WSB2: variants seen among roughly 807,000 people sequenced by gnomAD.
WSB2 encodes WD repeat and SOCS box containing 2.
Under a neutral mutation model 48.8 loss-of-function variants are expected in WSB2, and 12 were observed. The ratio of observed to expected loss-of-function variants is 0.25; its 90% CI spans 0.16 to 0.40. The LOEUF (loss-of-function observed/expected upper bound fraction) is 0.40, where lower values mean the gene tolerates loss of function less well. Among genes scored for constraint, WSB2 ranks in the 10% least tolerant of loss-of-function variants. WSB2 has a pLI of 1.00. For synonymous variants in WSB2, 191 were observed against 203.1 expected (o/e 0.94, Z 0.51); for missense variants, 317 against 506.2 (o/e 0.63, Z 3.59).
In WSB2 at chr12:118,034,732, A is replaced by G. The variant is rs1014183816; in HGVS notation, c.1052+254T>C. The G allele has an allele frequency of 3.9e-5, 21 of 535,534 alleles. No individual in the cohort carries two copies. The Admixed American group carries it at 6.6e-4, about 17-fold the overall frequency. 33.2% of individuals were successfully genotyped at this position (535,534 alleles called of 1,614,324 possible). On this transcript the variant is annotated intron_variant, in intron 8 of 8. Coordinates refer to ENST00000315436, the MANE Select transcript of WSB2 (RefSeq NM_018639.5). ...TTCCCATATATTATGCATCATCTCA[A>G]TTTTATTCTCCCTTGTGAACTTGGC...
At chr12:118,035,964 A>T in intron 6 of WSB2, 1 of 168,114 alleles carries the variant, frequency 5.9e-6, no homozygotes. Context: ...GCAGTTTGGG[A>T]GACTGAGGCG....
At chr12:118,061,291 T>C (rs2032061839), upstream of WSB2, 1 of 710,738 alleles carries the variant, frequency 1.4e-6, no homozygotes, top group Non-Finnish European at 1.7e-6. Flanking sequence ...AGGGAAAAGA[T>C]GGAAAATCGG....
At position 118,056,548 on chromosome 12, in the gene WSB2, G is replaced by A. The variant is rs146081023; in HGVS notation, c.14-4070C>T. On this transcript the variant is annotated intron_variant, in intron 1 of 8. Transcript: ENST00000315436. ...CTGGCAGAGTTCCTGGTGGAGGGCA[G>A]GCAGTGAGTAAATATTTGTCTAATA... is the stretch of plus-strand genomic sequence containing the variant. Among the ~76,000 whole-genome samples, 708 of 152,276 alleles carry A rather than the reference G, an allele frequency of 4.6e-3. 5 individuals carry two copies. Among genetic ancestry groups the A allele is most frequent in the African/African-American group, 0.016 (675 of 41,554 alleles).
intron 1 of WSB2, among the ~76,000 whole-genome samples, chr12:118,053,299 C>T (rs186481709): frequency 1.0e-3 from 154 of 152,274 alleles, no homozygotes; most frequent in Middle Eastern, 3.4e-3. Flanking sequence ...ATCTCCTTGA[C>T]ATGCAAGGGG....
Position 118,043,491 on chromosome 12 carries a change from C to A in WSB2, c.183-114G>T, listed in dbSNP as rs2031683982. 7 of 1,465,626 alleles carry A rather than the reference C, an allele frequency of 4.8e-6. No individual in the cohort carries two copies. The South Asian group carries it at 6.9e-5, about 15-fold the overall frequency. 90.8% of individuals were successfully genotyped at this position (1,465,626 alleles called of 1,614,324 possible). A position where few individuals can be genotyped will look rare whatever the true frequency, so the allele number is the denominator to read the frequency against. Reference sequence around the variant, plus strand: ...TGGAGGGAAGGGTCTGTCACCCAAGCTGGCGTACAGTGACACAATCATGGC... The same window carrying A: ...TGGAGGGAAGGGTCTGTCACCCAAGATGGCGTACAGTGACACAATCATGGC... On this transcript the variant is annotated intron_variant, in intron 2 of 8. Transcript: ENST00000315436.
At chr12:118,040,773 C>T (rs548034850) in intron 4 of WSB2, among the ~76,000 whole-genome samples, 15 of 152,182 alleles carry the variant, frequency 9.9e-5, no homozygotes, top group African/African-American at 2.6e-4. Context: ...GTAGGCCAGG[C>T]GCAGTGGCTC....
intron 8 of WSB2, 145 bp downstream of exon 8, chr12:118,034,841 C>T (rs936884772): frequency 9.9e-6 from 7 of 707,102 alleles, no homozygotes; most frequent in African/African-American, 9.0e-5. Flanking sequence ...TTAGCAAAAT[C>T]GATCATTTGA....
chr12:118,034,321 T>C lies in WSB2; in HGVS notation c.1090A>G (p.Arg364Gly), dbSNP rs767895456. The part of the protein sequence containing the change: ...DGHVQFWTAP[R>G]VLSSLKHLCR... ...AAGTGCTTCAGTGAGGACAGGACCCTAGGAGCTGTCCAGAACTGGACGTGG... is the reference window on the plus strand; with the variant it reads ...AAGTGCTTCAGTGAGGACAGGACCCCAGGAGCTGTCCAGAACTGGACGTGG... Residue 364 changes from arginine (R) to glycine (G), a missense_variant, in exon 9 of 9, where the codon AGG becomes GGG. This residue lies in a region of WSB2 where 189 missense variants were observed against 349.6 expected (regional missense o/e 0.54). Coordinates refer to ENST00000315436, the MANE Select transcript of WSB2 (RefSeq NM_018639.5). The C allele has an allele frequency of 1.2e-6, 2 of 1,614,216 alleles. No individual in the cohort carries two copies. The highest frequency in any genetic ancestry group is 1.1e-5 in the South Asian group (1 of 91,082).
At chr12:118,035,191 G>A (rs1555267428) in intron 7 of WSB2, 23 bp downstream of exon 7, 1 of 1,613,756 alleles carries the variant, frequency 6.2e-7, no homozygotes, top group Non-Finnish European at 8.5e-7. Context: ...CTGAGGCCAT[G>A]TAAAGAGAGT....
chr12:118,047,524 TA>T (rs1228589417), intron 2 of WSB2, among the ~76,000 whole-genome samples: 1 of 152,216 alleles, frequency 6.6e-6, no homozygotes, highest in Admixed American at 6.5e-5. Flanking sequence ...CTACCCTAAC[TA>T]GAATATAAAT....
intron 4 of WSB2, among the ~76,000 whole-genome samples, chr12:118,040,128 G>T (rs1433747939): frequency 6.6e-6 from 1 of 152,108 alleles, no homozygotes; most frequent in East Asian, 1.9e-4. Context: ...AGCCGAGATC[G>T]CAGCATTGCA....
intron 2 of WSB2, 86 bp downstream of exon 2, chr12:118,052,224 T>C: frequency 6.6e-7 from 1 of 1,520,796 alleles, no homozygotes; most frequent in Non-Finnish European, 8.9e-7. Flanking sequence ...ACCTTCCCTC[T>C]CTCTGGTTCT....
intron 2 of WSB2, 124 bp downstream of exon 2, chr12:118,052,186 C>T: frequency 7.5e-7 from 1 of 1,329,260 alleles, no homozygotes; most frequent in Admixed American, 2.7e-5. Context: ...TCTGGAAACC[C>T]CCATGATCAA....
intron 2 of WSB2, among the ~76,000 whole-genome samples, chr12:118,048,491 C>A (rs1207774588): frequency 6.6e-6 from 1 of 151,350 alleles, no homozygotes; most frequent in Non-Finnish European, 1.5e-5. Flanking sequence ...GAGGCTGAAG[C>A]AGGAGGACCA....
intron 4 of WSB2, among the ~76,000 whole-genome samples, chr12:118,041,281 A>C (rs1025842064): frequency 1.3e-5 from 2 of 152,148 alleles, no homozygotes; most frequent in African/African-American, 4.8e-5. Flanking sequence ...TGCCCTTAGA[A>C]GAAGAGACAT....
At chr12:118,055,857 C>T (rs574791198) in intron 1 of WSB2, among the ~76,000 whole-genome samples, 1 of 151,636 alleles carries the variant, frequency 6.6e-6, no homozygotes, top group African/African-American at 2.4e-5. Context: ...TGAAGCAATC[C>T]GCCCACCTCG....
rs2031444201 is a variant in WSB2 at position 118,034,144 on chromosome 12, C to T, written c.*52G>A. 1.2e-6 allele frequency: 2 copies of T among 1,608,636 alleles called. No homozygotes were observed. Among genetic ancestry groups the T allele is most frequent in the African/African-American group, 2.7e-5 (2 of 74,784 alleles). ...TTTGGCCCATTATTCCAGCAACTCC[C>T]TTTGACAGGACGATTTACCCTGCTA... On this transcript the variant is annotated 3_prime_UTR_variant, in exon 9 of 9. Coordinates refer to ENST00000315436, the MANE Select transcript of WSB2 (RefSeq NM_018639.5).
intron 4 of WSB2, among the ~76,000 whole-genome samples, chr12:118,041,036 G>A (rs1321622873): frequency 1.3e-5 from 2 of 152,226 alleles, no homozygotes; most frequent in Non-Finnish European, 2.9e-5. Context: ...GTGACACAGT[G>A]AGACTCCGTC....
Position 118,035,008 on chromosome 12 carries a change from G to T in WSB2, c.1030C>A (p.His344Asn), listed in dbSNP as rs1234761017. The T allele has an allele frequency of 1.9e-6, 3 of 1,614,086 alleles. No individual in the cohort carries two copies. In the East Asian group the frequency reaches 6.7e-5, roughly 36 times the overall value. The change falls in exon 8 of 9, where the codon CAT becomes AAT. Residue 344 changes from histidine to asparagine, a missense_variant. His to Asn is a moderately conservative substitution (Grantham distance 68, BLOSUM62 1). This residue lies in a region of WSB2 where 189 missense variants were observed against 349.6 expected (regional missense o/e 0.54). Coordinates refer to ENST00000315436, the MANE Select transcript of WSB2 (RefSeq NM_018639.5). ...TACCCTGTGGCAATGACTCCACCAT[G>T]TGGAAAAAATGTGCAGCAAAGCCCA... ...TNGLCCTFFP[H>N]GGVIATGTRD...
Sources: allele counts gnomAD v4.1 joint callset (sites outside exome capture counted in the v4.1 genomes callset), GRCh38; gene constraint gnomAD v4.1.1; regional missense constraint gnomAD v4.1.1; transcripts MANE v1.5; gene names NCBI Gene and HGNC (gene_info 2026-07-23, HGNC 2026-07-21).